GPC5: variants seen among roughly 807,000 people sequenced by gnomAD.
GPC5 encodes glypican 5, also known as glypican-5.
GPC5 carries 47 observed loss-of-function variants against 53.9 expected under a neutral mutation model. The observed-to-expected ratio is 0.87, with a 90% confidence interval of 0.69 to 1.11. The LOEUF (loss-of-function observed/expected upper bound fraction) is 1.11, where lower values mean the gene tolerates loss of function less well. GPC5 is among the 50% of genes most tolerant of loss of function. The pLI is 0.00. For missense variants in GPC5, 748 were observed against 713.1 expected (o/e 1.05, Z -0.56); for synonymous variants, 286 against 263.3 (o/e 1.09, Z -0.84).
In GPC5 at chr13:91,657,006, T is replaced by G. The variant is rs2034861149; in HGVS notation, c.326-36181T>G. 4.6e-5 allele frequency among the ~76,000 whole-genome samples: 7 copies of G among 152,146 alleles called. No homozygotes were observed. The South Asian group carries it at 1.4e-3, about 31-fold the overall frequency. ...GGAACAATCCAGGCTCTACTTCTTA[T>G]TGGCAGTGGGACATGGGAAAGTTAC... On this transcript the variant is annotated intron_variant, in intron 2 of 7. Coordinates refer to ENST00000377067, the MANE Select transcript of GPC5 (RefSeq NM_004466.6).
chr13:91,912,455 A>G (rs1172517525), intron 6 of GPC5, among the ~76,000 whole-genome samples: 3 of 152,192 alleles, frequency 2.0e-5, no homozygotes, highest in Admixed American at 2.0e-4. Flanking sequence ...TATTGATACC[A>G]TTTATAAAAC....
chr13:91,819,988 C>G (rs191164095), intron 5 of GPC5, among the ~76,000 whole-genome samples: 1 of 152,054 alleles, frequency 6.6e-6, no homozygotes, highest in Non-Finnish European at 1.5e-5. Context: ...CTAATATTTA[C>G]GGACTATTTG....
At chr13:92,410,676 A>G (rs1876002307) in intron 7 of GPC5, among the ~76,000 whole-genome samples, 1 of 152,218 alleles carries the variant, frequency 6.6e-6, no homozygotes, top group Non-Finnish European at 1.5e-5. Context: ...AAATGTTCGC[A>G]AGACTTTTGT....
At chr13:92,708,812 CTG>C (rs1407155095) in intron 7 of GPC5, among the ~76,000 whole-genome samples, 2 of 135,678 alleles carry the variant, frequency 1.5e-5, no homozygotes, top group Non-Finnish European at 3.1e-5. Context: ...AAATATGAAA[CTG>C]TGATTTACAT....
chr13:92,168,582 AG>A (rs2042047835), intron 7 of GPC5, among the ~76,000 whole-genome samples: 1 of 152,246 alleles, frequency 6.6e-6, no homozygotes, highest in Admixed American at 6.5e-5. Flanking sequence ...TATGAAAAAA[AG>A]CTCGACATCA....
intron 6 of GPC5, among the ~76,000 whole-genome samples, chr13:91,973,735 C>T (rs987035720): frequency 2.4e-4 from 36 of 152,304 alleles, no homozygotes; most frequent in African/African-American, 8.4e-4. Flanking sequence ...AGGTCCACTC[C>T]TGACCCTGTT....
intron 7 of GPC5, among the ~76,000 whole-genome samples, chr13:92,770,892 C>G (rs1463949261): frequency 6.6e-6 from 1 of 152,130 alleles, no homozygotes; most frequent in Non-Finnish European, 1.5e-5. Context: ...TCTGGATTCC[C>G]CACTTGACCT....
At chr13:92,016,636 TGAATG>T (rs1489699508) in intron 6 of GPC5, among the ~76,000 whole-genome samples, 1 of 152,340 alleles carries the variant, frequency 6.6e-6, no homozygotes, top group Admixed American at 6.5e-5. Flanking sequence ...ATAGGCTCTT[TGAATG>T]TGGTTTCATA....
intron 7 of GPC5, among the ~76,000 whole-genome samples, chr13:92,663,637 C>T (rs370880109): frequency 1.9e-4 from 20 of 107,588 alleles, no homozygotes; most frequent in Admixed American, 1.2e-3. Flanking sequence ...ACTATATATA[C>T]ACACTATATA....
At chr13:92,745,781 T>G (rs1594474160) in intron 7 of GPC5, among the ~76,000 whole-genome samples, 1 of 152,104 alleles carries the variant, frequency 6.6e-6, no homozygotes, top group Non-Finnish European at 1.5e-5. Flanking sequence ...ATTTCGAAAC[T>G]AATAAATTTT....
Position 92,106,006 on chromosome 13 carries a change from C to T in GPC5, c.1402-38824C>T, listed in dbSNP as rs529108741. ...TTCTGGCTTATTTCACTTAAACTTA[C>T]ATTTGTGAAATCTATTTGTTATGTA... On this transcript the variant is annotated intron_variant, in intron 6 of 7. Transcript: ENST00000377067. Among the ~76,000 whole-genome samples the T allele has an allele frequency of 4.6e-5, 7 of 152,104 alleles. No individual in the cohort carries two copies. The South Asian group carries it at 1.0e-3, about 23-fold the overall frequency.
chr13:92,602,231 A>ATT (rs1555294283), intron 7 of GPC5, among the ~76,000 whole-genome samples: 39 of 4,958 alleles, frequency 7.9e-3, no homozygotes, highest in African/African-American at 9.8e-3. Context: ...ATATATATAT[A>ATT]ACATATATAT....
chr13:92,222,681 C>A (rs2042458443), intron 7 of GPC5, among the ~76,000 whole-genome samples: 1 of 151,940 alleles, frequency 6.6e-6, no homozygotes, highest in Non-Finnish European at 1.5e-5. Flanking sequence ...CCCTTATTTT[C>A]TTTCATGATT....
chr13:91,521,329 A>G (rs537632146), intron 2 of GPC5, among the ~76,000 whole-genome samples: 4 of 152,320 alleles, frequency 2.6e-5, no homozygotes, highest in East Asian at 3.9e-4. Flanking sequence ...ACAATATTCA[A>G]TGTTGTAGGG....
chr13:91,793,899 C>G (rs2038007730), intron 5 of GPC5, among the ~76,000 whole-genome samples: 2 of 152,080 alleles, frequency 1.3e-5, no homozygotes, highest in Admixed American at 1.3e-4. Context: ...CACCTGGTAC[C>G]TCCCTCAACA....
intron 7 of GPC5, among the ~76,000 whole-genome samples, chr13:92,540,175 T>A (rs1255316632): frequency 1.3e-5 from 2 of 151,968 alleles, no homozygotes; most frequent in Admixed American, 1.3e-4. Context: ...GTTGCTCATA[T>A]CTGTTCATCA....
At chr13:91,901,838 A>C (rs190544805) in intron 5 of GPC5, among the ~76,000 whole-genome samples, 74 of 152,152 alleles carry the variant, frequency 4.9e-4, no homozygotes, top group Non-Finnish European at 6.5e-4. Flanking sequence ...AAATGGAAAG[A>C]ATTTTAATAT....
chr13:91,782,219 G>A (rs2037809159), intron 5 of GPC5, among the ~76,000 whole-genome samples: 1 of 152,172 alleles, frequency 6.6e-6, no homozygotes, highest in South Asian at 2.1e-4. Flanking sequence ...TACTTCAGTT[G>A]AGTAACAGAA....
At chr13:92,072,480 T>C (rs34523492) in intron 6 of GPC5, among the ~76,000 whole-genome samples, 56,464 of 151,498 alleles carry the variant, frequency 0.37, 11,349 homozygotes, top group Admixed American at 0.47. Context: ...TTGGCCAGGC[T>C]GGTCTCGAAC....
Sources: gnomAD v4.1 joint callset for allele counts (sites outside exome capture counted in the v4.1 genomes callset) on GRCh38, gnomAD v4.1.1 for gene constraint, MANE v1.5 for transcripts, NCBI Gene and HGNC (gene_info 2026-07-23, HGNC 2026-07-21) for gene names.